PRDM11: variants seen among roughly 807,000 people sequenced by gnomAD.
PRDM11 encodes PR domain-containing protein 11.
A neutral mutation model predicts 97.8 loss-of-function variants in PRDM11; 20 were observed. The ratio of observed to expected loss-of-function variants is 0.20; its 90% CI spans 0.14 to 0.30. The LOEUF is 0.30. Among genes scored for constraint, PRDM11 ranks in the 10% least tolerant of loss-of-function variants. The probability of loss-of-function intolerance (pLI) is 1.00; values close to 1 mark genes in which losing one functional copy is unlikely to be tolerated. For missense variants in PRDM11, 1,139 were observed against 1,555.2 expected (o/e 0.73, Z 4.50); for synonymous variants, 599 against 637.7 (o/e 0.94, Z 0.91).
At chr11:45,170,475 G>A (rs981800042) in intron 1 of PRDM11, among the ~76,000 whole-genome samples, 4 of 152,218 alleles carry the variant, frequency 2.6e-5, no homozygotes, top group Non-Finnish European at 5.9e-5. Flanking sequence ...AGCCACATGG[G>A]TATAAGGCGG....
upstream of PRDM11, among the ~76,000 whole-genome samples, chr11:45,145,335 G>A (rs1462669911): frequency 6.6e-6 from 1 of 152,150 alleles, no homozygotes; most frequent in Non-Finnish European, 1.5e-5. Context: ...TACCCACAGT[G>A]CTCCCTCCCT....
intron 1 of PRDM11, among the ~76,000 whole-genome samples, chr11:45,113,190 A>G (rs929542492): frequency 6.6e-6 from 1 of 152,162 alleles, no homozygotes; most frequent in East Asian, 1.9e-4. Context: ...TTTTCCCAGC[A>G]CCATTTATTG....
At chr11:45,184,269 G>A (rs542315924) in intron 4 of PRDM11, among the ~76,000 whole-genome samples, 1 of 152,352 alleles carries the variant, frequency 6.6e-6, no homozygotes, top group African/African-American at 2.4e-5. Flanking sequence ...TGATTTTGTA[G>A]GGCCCAGTGG....
At chr11:45,101,017 G>A (rs1851964677) in intron 1 of PRDM11, among the ~76,000 whole-genome samples, 1 of 152,198 alleles carries the variant, frequency 6.6e-6, no homozygotes, top group African/African-American at 2.4e-5. Flanking sequence ...AGAGGGACAA[G>A]TATTGTGGCT....
intron 1 of PRDM11, among the ~76,000 whole-genome samples, chr11:45,136,018 T>C (rs1025836291): frequency 1.3e-5 from 2 of 152,218 alleles, no homozygotes; most frequent in African/African-American, 4.8e-5. Context: ...AGTAAAAAGC[T>C]AAGGAAATTG....
rs536855126 is a variant in PRDM11, at chr11:45,160,397, T to C, written c.-7+13520T>C. Among the ~76,000 whole-genome samples the C allele has an allele frequency of 1.4e-4, 21 of 152,356 alleles. No individual in the cohort carries two copies. The South Asian group carries it at 2.3e-3, about 17-fold the overall frequency. ...TCTTGATGATCACAACATTCCAGAT[T>C]TCTCTGGAGCGTTGACTGTCATGGT... is the stretch of plus-strand genomic sequence containing the variant. On this transcript the variant is annotated intron_variant, in intron 1 of 7. Coordinates refer to ENST00000683152, the MANE Select transcript of PRDM11 (RefSeq NM_001384648.1).
At chr11:45,101,295 C>A (rs1040826137) in intron 1 of PRDM11, among the ~76,000 whole-genome samples, 6 of 152,154 alleles carry the variant, frequency 3.9e-5, no homozygotes, top group African/African-American at 1.4e-4. Flanking sequence ...CATGGGCTCA[C>A]GCCTGTAATC....
At chr11:45,179,689 A>G (rs1320672997) in intron 1 of PRDM11, among the ~76,000 whole-genome samples, 1 of 152,148 alleles carries the variant, frequency 6.6e-6, no homozygotes, top group South Asian at 2.1e-4. Context: ...TATGACCTCA[A>G]TTAATCTTGA....
intron 1 of PRDM11, among the ~76,000 whole-genome samples, chr11:45,167,760 CA>C (rs1453020735): frequency 3.5e-4 from 1 of 2,850 alleles, no homozygotes; most frequent in Non-Finnish European, 1.8e-3. Context: ...CATTTCACAC[CA>C]CACACACACA....
At chr11:45,209,835 G>A (rs543463739) in intron 5 of PRDM11, among the ~76,000 whole-genome samples, 9 of 152,214 alleles carry the variant, frequency 5.9e-5, no homozygotes, top group Non-Finnish European at 1.3e-4. Context: ...GAGTTAAGGA[G>A]TGGGTAAAAC....
intron 4 of PRDM11, among the ~76,000 whole-genome samples, chr11:45,199,188 A>G (rs1853237957): frequency 6.6e-6 from 1 of 152,136 alleles, no homozygotes; most frequent in South Asian, 2.1e-4. Flanking sequence ...CTCAGTCTTC[A>G]TTTTAGACAG....
chr11:45,226,073 C>G lies in PRDM11; in HGVS notation c.1448C>G (p.Ser483Cys). The G allele has an allele frequency of 2.0e-6, 3 of 1,527,980 alleles. No individual in the cohort carries two copies. Among genetic ancestry groups the G allele is most frequent in the Non-Finnish European group, 2.6e-6 (3 of 1,141,716 alleles). The allele number at this position is 1,527,980 out of a possible 1,614,324, so 94.7% of individuals were successfully genotyped here. A position where few individuals can be genotyped will look rare whatever the true frequency, so the allele number is the denominator to read the frequency against. Residue 483 changes from serine to cysteine, a missense_variant, in exon 8 of 8, where the codon TCC (serine) becomes TGC (cysteine). By Grantham distance (112) the Ser-to-Cys change is moderately radical. Transcript: ENST00000683152. ...QEVDSADESV[S>C]NDMMTATDEP... ...GTCGATTCAGCAGATGAATCTGTCT[C>G]CAATGATATGATGACAGCGACGGAT...
intron 1 of PRDM11, among the ~76,000 whole-genome samples, chr11:45,097,007 G>A (rs879910070): frequency 6.6e-6 from 1 of 152,220 alleles, no homozygotes; most frequent in Non-Finnish European, 1.5e-5. Context: ...GGATAATGAG[G>A]CTACCAACCT....
chr11:45,166,976 G>C (rs1852080074), intron 1 of PRDM11, among the ~76,000 whole-genome samples: 2 of 152,174 alleles, frequency 1.3e-5, no homozygotes, highest in African/African-American at 4.8e-5. Context: ...CTCATTCTTT[G>C]TTTACTTCTT....
intron 5 of PRDM11, chr11:45,213,189 G>A (rs1853829898): frequency 2.2e-6 from 1 of 456,636 alleles, no homozygotes; most frequent in South Asian, 1.5e-5. Flanking sequence ...AGCGCAGGTC[G>A]CTGCCCTGTG....
chr11:45,096,298 C>T (rs949752275), intron 1 of PRDM11, among the ~76,000 whole-genome samples: 1 of 152,206 alleles, frequency 6.6e-6, no homozygotes, highest in Non-Finnish European at 1.5e-5. Context: ...AATGAAAGGA[C>T]TAGAAGTGAA....
At chr11:45,153,692 CT>C (rs1362754931) in intron 1 of PRDM11, among the ~76,000 whole-genome samples, 1 of 152,380 alleles carries the variant, frequency 6.6e-6, no homozygotes. Flanking sequence ...AAATATTTAA[CT>C]GCGCCTCAGT....
chr11:45,115,495 T>C (rs866568036), intron 1 of PRDM11, among the ~76,000 whole-genome samples: 2 of 147,832 alleles, frequency 1.4e-5, no homozygotes, highest in African/African-American at 2.4e-5. Context: ...TTAAACACTC[T>C]AGTTAAAAAG....
chr11:45,216,495 A>G (rs939523822), intron 5 of PRDM11, among the ~76,000 whole-genome samples: 1 of 152,194 alleles, frequency 6.6e-6, no homozygotes, highest in Non-Finnish European at 1.5e-5. Context: ...TCGAGCCAGC[A>G]GGTGTTAAGG....
Sources: allele counts gnomAD v4.1 joint callset (sites outside exome capture counted in the v4.1 genomes callset), GRCh38; gene constraint gnomAD v4.1.1; transcripts MANE v1.5; gene names NCBI Gene and HGNC (gene_info 2026-07-23, HGNC 2026-07-21).